APOO: variants seen among roughly 807,000 people sequenced by gnomAD.
APOO encodes MICOS complex subunit MIC26.
Under a neutral mutation model 23.1 loss-of-function variants are expected in APOO, and 11 were observed. The observed-to-expected ratio is 0.48, with a 90% CI of 0.30 to 0.79. The LOEUF is 0.79. Ranked by LOEUF, APOO falls within the 30% of genes least tolerant of loss-of-function variation. The pLI, the probability that APOO is intolerant of heterozygous loss-of-function variation, is 0.07. For synonymous variants in APOO, 59 were observed against 54.8 expected, an observed-to-expected ratio of 1.08 and a Z score of -0.34; for missense variants, 160 against 142.7, an observed-to-expected ratio of 1.12 and a Z score of -0.62.
At chrX:23,841,421 G>A (rs1923966759) in intron 7 of APOO, among the ~76,000 whole-genome samples, 2 of 105,297 alleles carry the variant, frequency 1.9e-5, no homozygotes, top group South Asian at 4.4e-4. Flanking sequence ...TTGGGAGGCC[G>A]AGGCGGGAGG....
intron 4 of APOO, among the ~76,000 whole-genome samples, chrX:23,868,909 T>C (rs767263227): frequency 9.1e-6 from 1 of 109,364 alleles, no homozygotes; most frequent in East Asian, 2.8e-4. Context: ...TTCTTTTCTT[T>C]CTTTTTTTTT....
chrX:23,885,354 G>A (rs1601930477), intron 1 of APOO, among the ~76,000 whole-genome samples: 1 of 108,557 alleles, frequency 9.2e-6, no homozygotes, highest in Admixed American at 1.0e-4. Flanking sequence ...AGCCGAGATC[G>A]TGCCACTGCA....
chrX:23,907,491 G>A (rs1011665573), intron 1 of APOO, among the ~76,000 whole-genome samples: 34 of 112,620 alleles, frequency 3.0e-4, no homozygotes, highest in African/African-American at 1.1e-3. Context: ...ACCCACCCGG[G>A]GGTCTCCCGC....
intron 7 of APOO, among the ~76,000 whole-genome samples, chrX:23,849,583 TAAAAAAA>T (rs143362355): frequency 2.5e-4 from 8 of 32,604 alleles, no homozygotes; most frequent in Admixed American, 4.2e-4. Context: ...AAGAGAGACT[TAAAAAAA>T]AAAAAAAAAA....
chrX:23,835,221 C>T (rs906855610), intron 8 of APOO, among the ~76,000 whole-genome samples: 1 of 108,109 alleles, frequency 9.2e-6, no homozygotes, highest in African/African-American at 3.4e-5. Context: ...GCCACCACGC[C>T]CGGCTAATTT....
chrX:23,874,253 T>C, intron 4 of APOO, 150 bp downstream of exon 4: 1 of 514,031 alleles, frequency 1.9e-6, no homozygotes, highest in East Asian at 3.4e-5. Flanking sequence ...AAACAACAGC[T>C]CCTCTTCCCA....
At chrX:23,851,576 A>G (rs774007944) in intron 7 of APOO, among the ~76,000 whole-genome samples, 262 of 112,718 alleles carry the variant, frequency 2.3e-3, no homozygotes, top group Non-Finnish European at 3.1e-3. Context: ...TACATATGTT[A>G]TATATTCTTG....
chrX:23,891,815 T>C (rs1267252136), intron 1 of APOO, among the ~76,000 whole-genome samples: 1 of 109,788 alleles, frequency 9.1e-6, no homozygotes, highest in African/African-American at 3.3e-5. Context: ...CAAGTTTATA[T>C]ATATGTATAT....
chrX:23,890,118 A>C (rs1926588448), intron 1 of APOO, among the ~76,000 whole-genome samples: 1 of 112,083 alleles, frequency 8.9e-6, no homozygotes, highest in Non-Finnish European at 1.9e-5. Context: ...TATTCAACTT[A>C]AGTTTGTATA....
intron 1 of APOO, among the ~76,000 whole-genome samples, chrX:23,901,137 C>T (rs1433409598): frequency 8.9e-6 from 1 of 112,007 alleles, no homozygotes; most frequent in Non-Finnish European, 1.9e-5. Context: ...GTAAGTATTA[C>T]ACTAAGCCAC....
chrX:23,900,674 C>CAA (rs967658475), intron 1 of APOO, among the ~76,000 whole-genome samples: 10 of 24,725 alleles, frequency 4.0e-4, no homozygotes, highest in East Asian at 2.4e-3. Context: ...GACTCCGGCT[C>CAA]AAAAAAAAAA....
At chrX:23,885,828 C>T (rs778086705) in intron 1 of APOO, among the ~76,000 whole-genome samples, 3 of 111,380 alleles carry the variant, frequency 2.7e-5, no homozygotes, top group African/African-American at 9.8e-5. Flanking sequence ...GCTCCTGCAG[C>T]GGCCTTTTCA....
chrX:23,872,831 G>A (rs200293628), intron 4 of APOO, among the ~76,000 whole-genome samples: 3 of 108,518 alleles, frequency 2.8e-5, no homozygotes, highest in East Asian at 2.9e-4. Flanking sequence ...TGGGTGGATC[G>A]CCTGAGGTCA....
intron 7 of APOO, among the ~76,000 whole-genome samples, chrX:23,846,628 C>CAA (rs59513332): frequency 0.028 from 1,129 of 40,270 alleles, 39 homozygotes; most frequent in African/African-American, 0.075. Flanking sequence ...GACTCCATCT[C>CAA]AAAAAAAAAA....
chrX:23,868,330 T>C (rs1036385731), intron 5 of APOO, among the ~76,000 whole-genome samples: 84 of 112,278 alleles, frequency 7.5e-4, no homozygotes, highest in Non-Finnish European at 8.4e-4. Flanking sequence ...CTTTAAAATT[T>C]TGCTCTTTCT....
chrX:23,858,570 A>G lies in APOO; in HGVS notation c.480+72T>C, dbSNP rs991189542. ...TGTTATAAGAACTGCAAAATAAAAT[A>G]AAATTAAGCATCAGATTCATACACA... is the stretch of plus-strand genomic sequence containing the variant. On this transcript the variant is annotated intron_variant, in intron 6 of 8. Coordinates refer to ENST00000379226, the MANE Select transcript of APOO (RefSeq NM_024122.5). 9 of 1,009,346 alleles carry G rather than the reference A, an allele frequency of 8.9e-6. No homozygotes were observed. In the African/African-American group the frequency reaches 1.5e-4, roughly 17 times the overall value. 83.2% of individuals were successfully genotyped at this position (1,009,346 alleles called of 1,213,427 possible). A position where few individuals can be genotyped will look rare whatever the true frequency, so the allele number is the denominator to read the frequency against.
intron 1 of APOO, among the ~76,000 whole-genome samples, chrX:23,901,246 T>C (rs1445941616): frequency 8.9e-6 from 1 of 111,899 alleles, no homozygotes; most frequent in African/African-American, 3.3e-5. Flanking sequence ...TATTTGCCCT[T>C]GAGGAAGGAA....
chrX:23,838,369 AAAAAAAAAG>A (rs1232238249), intron 8 of APOO, among the ~76,000 whole-genome samples: 82 of 103,957 alleles, frequency 7.9e-4, no homozygotes, highest in African/African-American at 2.7e-3. Context: ...AAAAAAAAAA[AAAAAAAAAG>A]AAAGAAAGAA....
chrX:23,892,811 C>T (rs984021370), intron 1 of APOO, among the ~76,000 whole-genome samples: 2 of 106,659 alleles, frequency 1.9e-5, no homozygotes, highest in South Asian at 4.3e-4. Context: ...TGAGCCACCG[C>T]GCCTGGCCTC....
Sources: allele counts gnomAD v4.1 joint callset (sites outside exome capture counted in the v4.1 genomes callset), GRCh38; gene constraint gnomAD v4.1.1; transcripts MANE v1.5; gene names NCBI Gene and HGNC (gene_info 2026-07-23, HGNC 2026-07-21).